Variants in ZNF438 observed in about 807,000 individuals in gnomAD.
The protein encoded by ZNF438 is zinc finger protein 438.
A neutral mutation model predicts 38.0 loss-of-function variants in ZNF438; 25 were observed. That is an observed-to-expected ratio of 0.66 (90% CI 0.48 to 0.92). The LOEUF (loss-of-function observed/expected upper bound fraction) is 0.92. Among genes scored for constraint, ZNF438 ranks in the 40% least tolerant of loss-of-function variants. The probability of loss-of-function intolerance (pLI) is 0.00; values close to 1 mark genes in which losing one functional copy is unlikely to be tolerated. For synonymous variants in ZNF438, 372 were observed against 364.1 expected, an observed-to-expected ratio of 1.02 and a Z score of -0.25; for missense variants, 1,007 against 999.6, an observed-to-expected ratio of 1.01 and a Z score of -0.10.
At chr10:30,863,060 G>T (rs932845849) in intron 4 of ZNF438, among the ~76,000 whole-genome samples, 1 of 152,126 alleles carries the variant, frequency 6.6e-6, no homozygotes, top group Admixed American at 6.5e-5. Flanking sequence ...TTTGCTGCAC[G>T]TTTTTCTATA....
chr10:30,870,483 C>G (rs774154988), intron 4 of ZNF438, among the ~76,000 whole-genome samples: 2 of 151,686 alleles, frequency 1.3e-5, no homozygotes, highest in Non-Finnish European at 2.9e-5. Context: ...TGTTTACTTA[C>G]GGTCTCCAGC....
At chr10:30,982,154 T>C (rs1407217708) in intron 1 of ZNF438, among the ~76,000 whole-genome samples, 1 of 150,126 alleles carries the variant, frequency 6.7e-6, no homozygotes, top group Non-Finnish European at 1.5e-5. Context: ...CAGGCTGGAG[T>C]ACAGTGGCGC....
At chr10:30,852,176 A>AG (rs1218620669) in intron 4 of ZNF438, among the ~76,000 whole-genome samples, 2 of 151,920 alleles carry the variant, frequency 1.3e-5, no homozygotes, top group African/African-American at 2.4e-5. Flanking sequence ...CAAAAAAAAA[A>AG]GAAAAGAAAA....
intron 1 of ZNF438, among the ~76,000 whole-genome samples, chr10:30,947,331 T>A (rs528630519): frequency 1.3e-5 from 2 of 152,368 alleles, no homozygotes; most frequent in South Asian, 4.1e-4. Flanking sequence ...GGGGATGTGT[T>A]TAGGTATTTT....
rs142051393 is a variant in ZNF438, at chr10:30,993,413, C to T, written c.-192+38420G>A. Among the ~76,000 whole-genome samples, 37 of 152,308 alleles carry T rather than the reference C, an allele frequency of 2.4e-4. No individual in the cohort carries two copies. In the East Asian group the frequency reaches 4.4e-3, roughly 18 times the overall value. The stretch of plus-strand genomic sequence containing the variant: ...TGCTCTGTGGCTGCCCCAGTCATGA[C>T]CCAAGTAGCAGCAAGTGTGGCTCAA... On this transcript the variant is annotated intron_variant, in intron 1 of 5. Coordinates refer to ENST00000413025, the Ensembl canonical transcript of ZNF438.
chr10:30,899,955 T>C (rs1427189539), intron 3 of ZNF438, among the ~76,000 whole-genome samples: 1 of 152,170 alleles, frequency 6.6e-6, no homozygotes, highest in Non-Finnish European at 1.5e-5. Flanking sequence ...AGTAGGGCAG[T>C]ATAAAAAGTA....
At chr10:30,955,720 A>G (rs2048791170) in intron 1 of ZNF438, among the ~76,000 whole-genome samples, 1 of 152,232 alleles carries the variant, frequency 6.6e-6, no homozygotes, top group Non-Finnish European at 1.5e-5. Context: ...CAACCCATAG[A>G]ACGATGAGCT....
At chr10:30,847,906 G>C (rs2032631252) in intron 5 of ZNF438, among the ~76,000 whole-genome samples, 1 of 152,220 alleles carries the variant, frequency 6.6e-6, no homozygotes, top group Admixed American at 6.5e-5. Flanking sequence ...ATGGGATCTA[G>C]GCCGGTAGCA....
rs1307282620 is a variant in ZNF438, at chr10:30,947,774, A to C, written c.-191-6123T>G. Among the ~76,000 whole-genome samples the C allele has an allele frequency of 9.2e-5, 14 of 152,294 alleles. No homozygotes were observed. In the South Asian group the frequency reaches 2.9e-3, roughly 32 times the overall value. ...CGGAAAAGCGCAGTATTCGGGAGGG[A>C]GTAACCCGATTTTCCAGGTGCCATC... On this transcript the variant is annotated intron_variant, in intron 1 of 5. Transcript: ENST00000413025.
intron 5 of ZNF438, 23 bp downstream of exon 6, chr10:30,848,508 G>T: frequency 1.3e-6 from 2 of 1,586,536 alleles, no homozygotes; most frequent in East Asian, 4.5e-5. Flanking sequence ...CTCTTGCCAG[G>T]TCTCCATTAC....
intron 1 of ZNF438, among the ~76,000 whole-genome samples, chr10:31,010,208 T>C (rs1250074398): frequency 2.0e-5 from 3 of 152,170 alleles, no homozygotes; most frequent in African/African-American, 7.2e-5. Flanking sequence ...AAATTAAACA[T>C]GGCTAAAAGA....
chr10:30,968,631 T>C (rs2994641), intron 1 of ZNF438, among the ~76,000 whole-genome samples: 113,214 of 151,350 alleles, frequency 0.75, 43,257 homozygotes, highest in African/African-American at 0.89. Context: ...TTAGTAGAGA[T>C]GGGGTTTCTC....
chr10:30,910,956 A>G (rs533978127), intron 2 of ZNF438, among the ~76,000 whole-genome samples: 1 of 152,274 alleles, frequency 6.6e-6, no homozygotes, highest in East Asian at 1.9e-4. Flanking sequence ...AGAATATGGT[A>G]GTTCAAGCAA....
chr10:30,866,171 T>C (rs935665380), intron 4 of ZNF438, among the ~76,000 whole-genome samples: 3 of 152,204 alleles, frequency 2.0e-5, no homozygotes, highest in African/African-American at 7.2e-5. Context: ...TATTCTGTGA[T>C]GAAATCGTTC....
intron 3 of ZNF438, among the ~76,000 whole-genome samples, chr10:30,899,574 G>A (rs1412904737): frequency 1.3e-5 from 2 of 151,984 alleles, no homozygotes; most frequent in Admixed American, 1.3e-4. Context: ...CTTATTAACA[G>A]GCTGTTTCAG....
chr10:30,955,766 G>A (rs2048796014), intron 1 of ZNF438, among the ~76,000 whole-genome samples: 1 of 152,064 alleles, frequency 6.6e-6, no homozygotes, highest in African/African-American at 2.4e-5. Context: ...CTGAATATTG[G>A]GGCATTTTAT....
intron 1 of ZNF438, among the ~76,000 whole-genome samples, chr10:30,986,541 C>A (rs1052415555): frequency 6.6e-6 from 1 of 152,156 alleles, no homozygotes; most frequent in African/African-American, 2.4e-5. Flanking sequence ...AGTTGAATGC[C>A]TAGTGTCATG....
chr10:30,871,223 C>G (rs938872260), intron 4 of ZNF438, among the ~76,000 whole-genome samples: 1 of 152,098 alleles, frequency 6.6e-6, no homozygotes, highest in African/African-American at 2.4e-5. Context: ...TATTTTCCCC[C>G]CTTTGCTTCT....
rs202019398 is a variant in ZNF438 at position 30,862,702 on chromosome 10, CAGAA to C, written c.38-12339_38-12336del. Among the ~76,000 whole-genome samples, 40 of 152,220 alleles carry C rather than the reference CAGAA, an allele frequency of 2.6e-4. No individual in the cohort carries two copies. The East Asian group carries it at 7.3e-3, about 28-fold the overall frequency. ...AAAACCTTTTCCTCAGTGGGATAAA[CAGAA>C]AGATAAGGTTTCAACATCAGAATGT... is the stretch of plus-strand genomic sequence containing the variant. On this transcript the variant is annotated intron_variant, in intron 4 of 5. Coordinates refer to ENST00000413025, the Ensembl canonical transcript of ZNF438.
Sources: gnomAD v4.1 joint callset for allele counts (sites outside exome capture counted in the v4.1 genomes callset) on GRCh38, gnomAD v4.1.1 for gene constraint, MANE v1.5 for transcripts, NCBI Gene and HGNC (gene_info 2026-07-23, HGNC 2026-07-21) for gene names.